CD44: variants seen among roughly 807,000 people sequenced by gnomAD.
The protein encoded by CD44 is CD44 molecule (IN blood group), also known as CD44 antigen.
CD44 carries 49 observed loss-of-function variants against 88.8 expected under a neutral mutation model. That is an observed-to-expected ratio of 0.55 (90% CI 0.44 to 0.70). The LOEUF (loss-of-function observed/expected upper bound fraction) is 0.70. Among genes scored for constraint, CD44 ranks in the 30% least tolerant of loss-of-function variants. The probability of loss-of-function intolerance (pLI) is 0.00; values close to 1 mark genes in which losing one functional copy is unlikely to be tolerated. For synonymous variants in CD44, 325 were observed against 312.3 expected, an observed-to-expected ratio of 1.04 and a Z score of -0.43; for missense variants, 883 against 913.8, an observed-to-expected ratio of 0.97 and a Z score of 0.43.
intron 11 of CD44, 121 bp from the exon 12 acceptor site, chr11:35,207,984 T>C (rs1474550827): frequency 3.1e-6 from 2 of 652,014 alleles, no homozygotes; most frequent in African/African-American, 1.8e-5. Context: ...ATATAGTCAG[T>C]ATGTGCTTTC....
intron 17 of CD44, chr11:35,223,041 G>A (rs913387287): frequency 2.0e-6 from 2 of 985,328 alleles, no homozygotes; most frequent in Non-Finnish European, 2.4e-6. Context: ...AATTACGCTG[G>A]TACAAGTTAA....
chr11:35,188,796 G>A (rs1190647756), intron 4 of CD44, among the ~76,000 whole-genome samples: 1 of 151,934 alleles, frequency 6.6e-6, no homozygotes, highest in Non-Finnish European at 1.5e-5. Context: ...AAATTAGCTG[G>A]GTGTGGTGGC....
At chr11:35,177,420 C>T (rs1177885453) in intron 2 of CD44, among the ~76,000 whole-genome samples, 1 of 152,172 alleles carries the variant, frequency 6.6e-6, no homozygotes, top group Non-Finnish European at 1.5e-5. Flanking sequence ...AAGCGGTGCA[C>T]AAGAAGAGCA....
intron 17 of CD44, among the ~76,000 whole-genome samples, chr11:35,228,492 A>T (rs1037079452): frequency 1.3e-5 from 2 of 152,244 alleles, no homozygotes; most frequent in Non-Finnish European, 2.9e-5. Flanking sequence ...TACAATCATC[A>T]TGTTGATGGT....
chr11:35,149,784 G>T (rs1042068450), intron 1 of CD44, among the ~76,000 whole-genome samples: 2 of 152,288 alleles, frequency 1.3e-5, no homozygotes, highest in South Asian at 2.1e-4. Context: ...AAAAAAAATT[G>T]ATGCCTGATT....
intron 1 of CD44, among the ~76,000 whole-genome samples, chr11:35,147,711 C>T (rs1442599561): frequency 6.6e-6 from 1 of 152,074 alleles, no homozygotes. Flanking sequence ...AACTAGGCAG[C>T]ATCTTTTTCC....
chr11:35,164,900 T>G (rs140724340), intron 1 of CD44, among the ~76,000 whole-genome samples: 1 of 152,368 alleles, frequency 6.6e-6, no homozygotes, highest in East Asian at 1.9e-4. Context: ...GTCCGTTGCA[T>G]GGGATGATTT....
chr11:35,172,018 A>G (rs1943963523), intron 1 of CD44, among the ~76,000 whole-genome samples: 1 of 152,204 alleles, frequency 6.6e-6, no homozygotes, highest in South Asian at 2.1e-4. Context: ...TTTTTTCTTC[A>G]AAAGCTTGGG....
intron 3 of CD44, among the ~76,000 whole-genome samples, chr11:35,181,803 A>T (rs1945048095): frequency 8.8e-6 from 1 of 113,436 alleles, no homozygotes; most frequent in Admixed American, 1.2e-4. Context: ...TATATAAATT[A>T]TATTTATATA....
At chr11:35,168,780 A>ACT (rs1943570721) in intron 1 of CD44, among the ~76,000 whole-genome samples, 1 of 152,206 alleles carries the variant, frequency 6.6e-6, no homozygotes, top group Admixed American at 6.5e-5. Flanking sequence ...GCATAGTATG[A>ACT]CTGTAGGTTG....
intron 3 of CD44, among the ~76,000 whole-genome samples, chr11:35,182,143 A>AT (rs1392662831): frequency 6.7e-6 from 1 of 148,590 alleles, no homozygotes; most frequent in Non-Finnish European, 1.5e-5. Flanking sequence ...AGCTGCATGG[A>AT]TTTTTAAACT....
chr11:35,226,656 C>T (rs2134440814), intron 17 of CD44, among the ~76,000 whole-genome samples: 1 of 152,150 alleles, frequency 6.6e-6, no homozygotes, highest in South Asian at 2.1e-4. Context: ...ACAATTATTT[C>T]CTTACCCCTC....
intron 1 of CD44, among the ~76,000 whole-genome samples, chr11:35,142,999 G>A (rs116061718): frequency 0.013 from 2,045 of 152,134 alleles, 46 homozygotes; most frequent in African/African-American, 0.047. Flanking sequence ...GAGGACTGTG[G>A]GAGCCTCAAC....
chr11:35,229,069 A>G lies in CD44; in HGVS notation c.2025-60A>G, dbSNP rs1949919190. 2.2e-6 allele frequency: 3 copies of G among 1,344,448 alleles called. No homozygotes were observed. The African/African-American group carries it at 4.3e-5, about 19-fold the overall frequency. 83.3% of individuals were successfully genotyped at this position (1,344,448 alleles called of 1,614,324 possible). A position where few individuals can be genotyped will look rare whatever the true frequency, so the allele number is the denominator to read the frequency against. Reference sequence around the variant, plus strand: ...TCAATGATGGTGCTCAGTAAGGATGATGATCTGATGCCTGAGTCACTGCAA... The same window carrying G: ...TCAATGATGGTGCTCAGTAAGGATGGTGATCTGATGCCTGAGTCACTGCAA... On this transcript the variant is annotated intron_variant, in intron 17 of 17. Coordinates refer to ENST00000428726, the MANE Select transcript of CD44 (RefSeq NM_000610.4).
intron 4 of CD44, among the ~76,000 whole-genome samples, chr11:35,187,337 A>C (rs1945786393): frequency 6.6e-6 from 1 of 152,176 alleles, no homozygotes; most frequent in Non-Finnish European, 1.5e-5. Context: ...GTTGGCTTTA[A>C]TTCAGTGTCC....
At chr11:35,141,681 C>A (rs898540473) in intron 1 of CD44, among the ~76,000 whole-genome samples, 8 of 152,222 alleles carry the variant, frequency 5.3e-5, no homozygotes, top group African/African-American at 1.9e-4. Flanking sequence ...CCCTCCTGCC[C>A]CGTGTTTCCA....
At chr11:35,204,743 G>A (rs899314493) in intron 10 of CD44, 103 bp downstream of exon 10, 18 of 1,028,768 alleles carry the variant, frequency 1.7e-5, no homozygotes, top group African/African-American at 3.2e-5. Flanking sequence ...GAATTGTCAC[G>A]AGATGTTAGG....
At chr11:35,215,144 C>T (rs1295797045) in intron 15 of CD44, among the ~76,000 whole-genome samples, 2 of 152,156 alleles carry the variant, frequency 1.3e-5, no homozygotes, top group Non-Finnish European at 2.9e-5. Context: ...AATCAGTTCC[C>T]TGGTAATACT....
intron 1 of CD44, among the ~76,000 whole-genome samples, chr11:35,163,577 C>G (rs755343678): frequency 2.1e-4 from 32 of 152,178 alleles, no homozygotes; most frequent in Admixed American, 2.0e-3. Context: ...CAAGCTTTTC[C>G]TCTTGCTGTG....
Sources: allele counts gnomAD v4.1 joint callset (sites outside exome capture counted in the v4.1 genomes callset), GRCh38; gene constraint gnomAD v4.1.1; transcripts MANE v1.5; gene names NCBI Gene and HGNC (gene_info 2026-07-23, HGNC 2026-07-21).